Variants in GABRB3 observed in about 807,000 individuals in gnomAD.
GABRB3 encodes gamma-aminobutyric acid type A receptor subunit beta3.
A neutral mutation model predicts 52.1 loss-of-function variants in GABRB3; 14 were observed. The observed-to-expected ratio is 0.27, with a 90% CI of 0.18 to 0.42. The LOEUF is 0.42. GABRB3 is among the 10% of genes least tolerant of loss of function. The pLI is 1.00. For synonymous variants in GABRB3, 260 were observed against 232.3 expected, an observed-to-expected ratio of 1.12 and a Z score of -1.08; for missense variants, 307 against 609.1, an observed-to-expected ratio of 0.50 and a Z score of 5.22.
At chr15:26,705,751 A>G (rs772238731) in intron 3 of GABRB3, among the ~76,000 whole-genome samples, 4 of 152,184 alleles carry the variant, frequency 2.6e-5, no homozygotes, top group Non-Finnish European at 5.9e-5. Context: ...AGCAGCAGGA[A>G]ACATTTGGGG....
At chr15:26,763,974 C>T (rs903837205) in intron 3 of GABRB3, among the ~76,000 whole-genome samples, 26 of 150,826 alleles carry the variant, frequency 1.7e-4, no homozygotes, top group Non-Finnish European at 3.0e-4. Context: ...GGTGAAACCC[C>T]GTCTCTACTA....
At chr15:26,611,493 T>C (rs1892069961) in intron 4 of GABRB3, among the ~76,000 whole-genome samples, 1 of 152,202 alleles carries the variant, frequency 6.6e-6, no homozygotes, top group African/African-American at 2.4e-5. Context: ...AAAGAAGATG[T>C]GTACTTATTG....
At chr15:26,584,553 T>C (rs17646474) in intron 4 of GABRB3, among the ~76,000 whole-genome samples, 14,470 of 152,224 alleles carry the variant, frequency 0.095, 808 homozygotes, top group Admixed American at 0.16. Context: ...TGAACCAAAA[T>C]TGGGTGGGTA....
chr15:26,549,523 G>A (rs901649699), intron 8 of GABRB3, among the ~76,000 whole-genome samples: 1 of 152,140 alleles, frequency 6.6e-6, no homozygotes, highest in African/African-American at 2.4e-5. Context: ...ATGGCCCCCA[G>A]GGAGGTTGTA....
chr15:26,606,804 C>T (rs139903577), intron 4 of GABRB3, among the ~76,000 whole-genome samples: 31 of 42,768 alleles, frequency 7.2e-4, no homozygotes, highest in South Asian at 8.8e-4. Flanking sequence ...ATAGATATAT[C>T]TATAGATAGA....
At chr15:26,619,805 T>A (rs1215767706) in intron 4 of GABRB3, among the ~76,000 whole-genome samples, 3 of 151,854 alleles carry the variant, frequency 2.0e-5, no homozygotes, top group African/African-American at 7.3e-5. Flanking sequence ...CTCTTCCCCA[T>A]CACACACACA....
chr15:26,607,665 T>C (rs374145348), intron 4 of GABRB3, among the ~76,000 whole-genome samples: 4 of 152,048 alleles, frequency 2.6e-5, no homozygotes, highest in Admixed American at 2.6e-4. Context: ...AATAGTAGTG[T>C]TTCTATAAAT....
chr15:26,702,183 A>T (rs1888958454), intron 3 of GABRB3, among the ~76,000 whole-genome samples: 1 of 152,220 alleles, frequency 6.6e-6, no homozygotes, highest in Admixed American at 6.5e-5. Context: ...TTATATTGGG[A>T]AAGGATTTAT....
chr15:26,652,281 G>C (rs1431553813), intron 3 of GABRB3, among the ~76,000 whole-genome samples: 2 of 152,208 alleles, frequency 1.3e-5, no homozygotes, highest in African/African-American at 4.8e-5. Flanking sequence ...TCCAGGTACT[G>C]ACAATTTTAT....
At chr15:26,757,095 G>A (rs1264083949) in intron 3 of GABRB3, among the ~76,000 whole-genome samples, 4 of 152,138 alleles carry the variant, frequency 2.6e-5, no homozygotes, top group Non-Finnish European at 5.9e-5. Flanking sequence ...ACCTTCTGAT[G>A]AAACATAGCA....
intron 4 of GABRB3, among the ~76,000 whole-genome samples, chr15:26,599,322 A>G (rs1891503009): frequency 6.6e-6 from 1 of 152,200 alleles, no homozygotes; most frequent in Non-Finnish European, 1.5e-5. Context: ...TGGGAGGTCA[A>G]ACAGCTACTG....
intron 3 of GABRB3, among the ~76,000 whole-genome samples, chr15:26,679,399 A>T (rs1213849694): frequency 6.6e-6 from 1 of 152,170 alleles, no homozygotes. Context: ...GCTCTTGAGA[A>T]GTCGCACATA....
At position 26,544,414 on chromosome 15, in the gene GABRB3, GA is replaced by G. The variant is rs1437930680; in HGVS notation, c.*3378del. On this transcript the variant is annotated 3_prime_UTR_variant, in exon 9 of 9. Transcript: ENST00000311550. Reference sequence around the variant, plus strand: ...GGACAAGAGAGAAGTGCCTTTCAGGGAGTGACTGAACATGTCAAAGTTCTGG... The same window carrying G: ...GGACAAGAGAGAAGTGCCTTTCAGGGGTGACTGAACATGTCAAAGTTCTGG... The G allele has an allele frequency of 6.6e-6, 1 of 152,608 alleles. No homozygotes were observed. The highest frequency in any genetic ancestry group is 1.5e-5 in the Non-Finnish European group (1 of 68,054). The allele number at this position is 152,608 out of a possible 1,614,324, so 9.5% of individuals were successfully genotyped here.
At chr15:26,596,008 T>C (rs1209176483) in intron 4 of GABRB3, among the ~76,000 whole-genome samples, 1 of 152,158 alleles carries the variant, frequency 6.6e-6, no homozygotes, top group Admixed American at 6.5e-5. Context: ...AAACTGGATT[T>C]GTCAGCCTCT....
At chr15:26,690,711 G>A (rs28615385) in intron 3 of GABRB3, among the ~76,000 whole-genome samples, 3,175 of 151,888 alleles carry the variant, frequency 0.021, 105 homozygotes, top group African/African-American at 0.073. Context: ...CAGCACAGTC[G>A]TCCATCCAGT....
At chr15:26,773,606 C>T (rs200468118), upstream of GABRB3, 16 of 1,516,438 alleles carry the variant, frequency 1.1e-5, no homozygotes, top group East Asian at 3.7e-4. Flanking sequence ...CGCCGCCTCC[C>T]GACGGTGCCT....
intron 7 of GABRB3, among the ~76,000 whole-genome samples, chr15:26,566,836 T>A (rs1290749936): frequency 6.6e-6 from 1 of 152,186 alleles, no homozygotes; most frequent in Non-Finnish European, 1.5e-5. Flanking sequence ...TTCCATCAAT[T>A]TTTATAAGTA....
intron 3 of GABRB3, among the ~76,000 whole-genome samples, chr15:26,672,107 T>G (rs942771411): frequency 6.6e-6 from 1 of 152,196 alleles, no homozygotes. Flanking sequence ...TCCTTTTCTT[T>G]GCGTGCTTAG....
intron 6 of GABRB3, among the ~76,000 whole-genome samples, chr15:26,576,891 A>C (rs1188170549): frequency 6.6e-6 from 1 of 152,076 alleles, no homozygotes; most frequent in Non-Finnish European, 1.5e-5. Context: ...CTGAGCCTGA[A>C]CTCAGAATTA....
Sources: allele counts gnomAD v4.1 joint callset (sites outside exome capture counted in the v4.1 genomes callset), GRCh38; gene constraint gnomAD v4.1.1; transcripts MANE v1.5; gene names NCBI Gene and HGNC (gene_info 2026-07-23, HGNC 2026-07-21).